The following VSIG2 variants were observed in gnomAD, a reference collection of about 807,000 sequenced individuals.
The protein encoded by VSIG2 is V-set and immunoglobulin domain-containing protein 2.
VSIG2 carries 30 observed loss-of-function variants against 29.4 expected under a neutral mutation model. That is an observed-to-expected ratio of 1.02 (90% confidence interval 0.76 to 1.38). VSIG2 has a LOEUF of 1.38. Among genes scored for constraint, VSIG2 ranks in the 40% most tolerant of loss-of-function variants. The pLI is 0.00. For synonymous variants in VSIG2, 178 were observed against 174.2 expected, an observed-to-expected ratio of 1.02 and a Z score of -0.17; for missense variants, 421 against 400.8, an observed-to-expected ratio of 1.05 and a Z score of -0.43.
chr11:124,751,840 G>C (rs1944090298), intron 1 of VSIG2, among the ~76,000 whole-genome samples: 2 of 152,230 alleles, frequency 1.3e-5, no homozygotes, highest in Admixed American at 1.3e-4. Context: ...CCTGCGGTGG[G>C]GTGGTTCAGG....
In VSIG2 at chr11:124,748,215, C is replaced by T. The variant is rs7112449; in HGVS notation, c.851+175G>A. 9,033 of 720,034 alleles carry T rather than the reference C, an allele frequency of 0.013. 553 individuals carry two copies. The African/African-American group carries it at 0.14, about 11-fold the overall frequency. 44.6% of individuals were successfully genotyped at this position (720,034 alleles called of 1,614,324 possible). A position where few individuals can be genotyped will look rare whatever the true frequency, so the allele number is the denominator to read the frequency against. ...CAGCCACTCCACCCTGTACCGCTTG[C>T]CTGTACCCTCAAATACACAGGTTAC... On this transcript the variant is annotated intron_variant, in intron 6 of 6. Coordinates refer to ENST00000326621, the MANE Select transcript of VSIG2 (RefSeq NM_014312.5).
At chr11:124,750,661 C>A in intron 3 of VSIG2, 53 bp downstream of exon 3, 1 of 1,578,912 alleles carries the variant, frequency 6.3e-7, no homozygotes, top group South Asian at 1.1e-5. Context: ...CCAGTGCAAA[C>A]GCCCCAAGTA....
At position 124,748,422 on chromosome 11, in the gene VSIG2, C is replaced by A. The variant is rs1373911250; in HGVS notation, c.819G>T (p.Lys273Asn). ...LVRFQKERGK[K>N]PKETYGGSDL... ...CACTACCCCCATATGTCTCCTTGGG[C>A]TTCTTCCCCCTCTCTTTCTGGAACC... The change falls in exon 6 of 7, where the codon AAG becomes AAT. Residue 273 changes from lysine (K) to asparagine (N), a missense_variant. Coordinates refer to ENST00000326621, the MANE Select transcript of VSIG2 (RefSeq NM_014312.5). 1.2e-6 allele frequency: 2 copies of A among 1,614,050 alleles called. No individual in the cohort carries two copies. The highest frequency in any genetic ancestry group is 2.2e-5 in the South Asian group (2 of 91,064).
At position 124,752,158 on chromosome 11, in the gene VSIG2, T is replaced by A; in HGVS notation, c.-21A>T. ...GCCATGGCCGCGTCCGGCCGTCCTG[T>A]CCTGCTCCTGCCAGGTGGGCGGTCA... On this transcript the variant is annotated 5_prime_UTR_variant, in exon 1 of 7. Transcript: ENST00000326621. 1.3e-6 allele frequency: 2 copies of A among 1,556,088 alleles called. No individual in the cohort carries two copies. The highest frequency in any genetic ancestry group is 1.7e-6 in the Non-Finnish European group (2 of 1,157,674).
rs776586775 is a variant in VSIG2 at position 124,751,395 on chromosome 11, C to T, written c.219+28G>A. On this transcript the variant is annotated intron_variant, in intron 2 of 6. Coordinates refer to ENST00000326621, the MANE Select transcript of VSIG2 (RefSeq NM_014312.5). ...GGGCTCCTGTCCCTCCAGGCCAACC[C>T]AGCTTCATGCAGTCGCTCTCAGCTC... 4.4e-6 allele frequency: 7 copies of T among 1,608,268 alleles called. No homozygotes were observed. The South Asian group carries it at 7.7e-5, about 18-fold the overall frequency.
intron 4 of VSIG2, 152 bp from the exon 5 acceptor site, chr11:124,748,915 T>G (rs186803183): frequency 1.6e-4 from 175 of 1,117,954 alleles, no homozygotes; most frequent in Non-Finnish European, 2.1e-4. Context: ...AAGAAGGAAG[T>G]AGTGTGTCTG....
At chr11:124,750,690 T>C in intron 3 of VSIG2, 24 bp downstream of exon 3, 1 of 1,610,438 alleles carries the variant, frequency 6.2e-7, no homozygotes, top group Non-Finnish European at 8.5e-7. Flanking sequence ...AGTATGTGGC[T>C]CGTGGATCCC....
chr11:124,751,139 CAAAG>C (rs1355379078), intron 2 of VSIG2, among the ~76,000 whole-genome samples: 2 of 151,526 alleles, frequency 1.3e-5, no homozygotes, highest in Admixed American at 1.3e-4. Context: ...CTCTCTCTCT[CAAAG>C]AGAGAGGCAG....
chr11:124,748,927 G>A (rs1337212911), intron 4 of VSIG2, among the ~76,000 whole-genome samples, 164 bp from the exon 5 acceptor site: 1 of 152,172 alleles, frequency 6.6e-6, no homozygotes, highest in African/African-American at 2.4e-5. Flanking sequence ...GTGTGTCTGA[G>A]GTGACCCAGA....
Position 124,752,155 on chromosome 11 carries a change from C to T in VSIG2, c.-18G>A. 6.4e-7 allele frequency: 1 copy of T among 1,561,384 alleles called. No homozygotes were observed. The highest frequency in any genetic ancestry group is 8.6e-7 in the Non-Finnish European group (1 of 1,160,162). On this transcript the variant is annotated 5_prime_UTR_variant, in exon 1 of 7. Coordinates refer to ENST00000326621, the MANE Select transcript of VSIG2 (RefSeq NM_014312.5). ...TCGGCCATGGCCGCGTCCGGCCGTC[C>T]TGTCCTGCTCCTGCCAGGTGGGCGG...
At position 124,750,788 on chromosome 11, in the gene VSIG2, G is replaced by GAACC; in HGVS notation, c.352_353insGGTT (p.Thr118ArgfsTer31). 1 of 1,614,112 alleles carries GAACC rather than the reference G, an allele frequency of 6.2e-7. No homozygotes were observed. Among genetic ancestry groups the GAACC allele is most frequent in the East Asian group, 2.2e-5 (1 of 44,864 alleles). ...TGGGTTGTTGACTTGGCAGAGGTAG[G>GAACC]TTCCAGTATCTGAGGGGTGGACGTC... On this transcript the variant is annotated frameshift_variant, in exon 3 of 7. Transcript: ENST00000326621. LOFTEE classifies it high-confidence loss of function.
chr11:124,749,884 A>AACAAAAAAAAAAAC lies in VSIG2; in HGVS notation c.428-19_428-18insGTTTTTTTTTTTGT, dbSNP rs1555108827. 4.1e-6 allele frequency: 6 copies of AACAAAAAAAAAAAC among 1,460,408 alleles called. No homozygotes were observed. Among genetic ancestry groups the AACAAAAAAAAAAAC allele is most frequent in the African/African-American group, 3.2e-5 (2 of 63,220 alleles). The allele number at this position is 1,460,408 out of a possible 1,614,324, so 90.5% of individuals were successfully genotyped here. On this transcript the variant is annotated intron_variant, in intron 3 of 6. Transcript: ENST00000326621. ...GGGGGGAACTGCAAAAAAAAAAAAA[A>AACAAAAAAAAAAAC]AAAAAAAAAAACAGAAAGTTCCTCA...
rs538535787 is a variant in VSIG2, at chr11:124,748,308, G to A, written c.851+82C>T. 4.1e-4 allele frequency: 584 copies of A among 1,417,560 alleles called. 12 individuals carry two copies. The South Asian group carries it at 7.1e-3, about 17-fold the overall frequency. 87.8% of individuals were successfully genotyped at this position (1,417,560 alleles called of 1,614,324 possible). A position where few individuals can be genotyped will look rare whatever the true frequency, so the allele number is the denominator to read the frequency against. On this transcript the variant is annotated intron_variant, in intron 6 of 6. Coordinates refer to ENST00000326621, the MANE Select transcript of VSIG2 (RefSeq NM_014312.5). The stretch of plus-strand genomic sequence containing the variant: ...GCCCCTAAACACACTGAATGATGTC[G>A]GAGTTTGAGGGTTGCAGGCACCCGC...
In VSIG2 at chr11:124,748,412, T is replaced by G; in HGVS notation, c.829A>C (p.Thr277Pro). ...CACCGAAGGTCACTACCCCCATATG[T>G]CTCCTTGGGCTTCTTCCCCCTCTCT... ...QKERGKKPKE[T>P]YGGSDLREDA... is the part of the protein sequence containing the mutation. The change falls in exon 6 of 7, where the codon ACA (threonine) becomes CCA (proline). Residue 277 changes from threonine to proline, a missense_variant. Coordinates refer to ENST00000326621, the MANE Select transcript of VSIG2 (RefSeq NM_014312.5). The G allele has an allele frequency of 6.2e-7, 1 of 1,613,412 alleles. No individual in the cohort carries two copies. Among genetic ancestry groups the G allele is most frequent in the Non-Finnish European group, 8.5e-7 (1 of 1,179,742 alleles).
In VSIG2 at chr11:124,751,713, C is replaced by T. The variant is rs7128967; in HGVS notation, c.62-133G>A. The T allele has an allele frequency of 2.2e-3, 2,289 of 1,047,828 alleles. 34 individuals carry two copies. The African/African-American group carries it at 0.031, about 14-fold the overall frequency. The allele number at this position is 1,047,828 out of a possible 1,614,324, so 64.9% of individuals were successfully genotyped here. ...CACAACCCTCTCCCCTCAATCCAAC[C>T]CCTCCCTTCCCAAAACCTGAGGTTT... is the stretch of plus-strand genomic sequence containing the variant. On this transcript the variant is annotated intron_variant, in intron 1 of 6. Transcript: ENST00000326621.
rs181935505 is a variant in VSIG2 at position 124,751,731 on chromosome 11, T to C, written c.62-151A>G. ...ATCCAACCCCTCCCTTCCCAAAACC[T>C]GAGGTTTCCGGGAGGGGCCGGGTCT... On this transcript the variant is annotated intron_variant, in intron 1 of 6. Coordinates refer to ENST00000326621, the MANE Select transcript of VSIG2 (RefSeq NM_014312.5). The C allele has an allele frequency of 2.6e-3, 2,511 of 953,156 alleles. 47 individuals are homozygous for C. In the African/African-American group the frequency reaches 0.035, roughly 13 times the overall value. 59.0% of individuals were successfully genotyped at this position (953,156 alleles called of 1,614,324 possible).
At position 124,752,093 on chromosome 11, in the gene VSIG2, G is replaced by C; in HGVS notation, c.45C>G (p.Gly15=). 1 of 1,606,816 alleles carries C rather than the reference G, an allele frequency of 6.2e-7. No homozygotes were observed. ...CCTCCTCACCACTCAGGCACAGGAA[G>C]CCTAGCAGGGCCCCGCAGAGAAAGG... ...PGPFLCGALL[G]FLCLSGLAVE... is the part of the protein sequence containing the mutation. Residue 15 remains glycine (G), a synonymous_variant, in exon 1 of 7, where the codon GGC becomes GGG. Transcript: ENST00000326621.
rs1555108849 is a variant in VSIG2, at chr11:124,749,885, A to AAAAAAAAAAAAAAAC, written c.428-20_428-19insGTTTTTTTTTTTTTT. ...GGGGGAACTGCAAAAAAAAAAAAAA[A>AAAAAAAAAAAAAAAC]AAAAAAAAAACAGAAAGTTCCTCAG... On this transcript the variant is annotated intron_variant, in intron 3 of 6. Transcript: ENST00000326621. 172 of 1,418,526 alleles carry AAAAAAAAAAAAAAAC rather than the reference A, an allele frequency of 1.2e-4. No homozygotes were observed. The highest frequency in any genetic ancestry group is 9.0e-4 in the African/African-American group (49 of 54,178). 87.9% of individuals were successfully genotyped at this position (1,418,526 alleles called of 1,614,324 possible).
At chr11:124,750,414 T>C (rs1944070886) in intron 3 of VSIG2, among the ~76,000 whole-genome samples, 1 of 152,128 alleles carries the variant, frequency 6.6e-6, no homozygotes, top group African/African-American at 2.4e-5. Context: ...CAACTACCGA[T>C]GAGAGCCTCC....
Sources: allele counts gnomAD v4.1 joint callset (sites outside exome capture counted in the v4.1 genomes callset), GRCh38; gene constraint gnomAD v4.1.1; transcripts MANE v1.5; gene names NCBI Gene and HGNC (gene_info 2026-07-23, HGNC 2026-07-21).